The following SLC4A10 variants were observed in gnomAD, a reference collection of about 807,000 sequenced individuals.
SLC4A10 encodes the protein solute carrier family 4 member 10, also known as sodium-driven chloride bicarbonate exchanger.
In SLC4A10, 42 loss-of-function variants were observed where a neutral mutation model predicts 137.7. That is an observed-to-expected ratio of 0.30 (90% CI 0.24 to 0.39). The LOEUF is 0.39. Among genes scored for constraint, SLC4A10 ranks in the 10% least tolerant of loss-of-function variants. The probability of loss-of-function intolerance (pLI) is 1.00; values close to 1 mark genes in which losing one functional copy is unlikely to be tolerated. For missense variants in SLC4A10, 925 were observed against 1,355.0 expected, an observed-to-expected ratio of 0.68 and a Z score of 4.98; for synonymous variants, 474 against 464.1, an observed-to-expected ratio of 1.02 and a Z score of -0.27.
chr2:161,667,052 A>G (rs1401842844), intron 1 of SLC4A10, among the ~76,000 whole-genome samples: 1 of 151,628 alleles, frequency 6.6e-6, no homozygotes, highest in East Asian at 1.9e-4. Flanking sequence ...GATCACTGTT[A>G]TTTATATTGG....
At chr2:161,792,103 A>G (rs538696473) in intron 2 of SLC4A10, among the ~76,000 whole-genome samples, 2 of 152,238 alleles carry the variant, frequency 1.3e-5, no homozygotes, top group African/African-American at 2.4e-5. Context: ...CAAAGGCATA[A>G]TAACTCACTC....
intron 3 of SLC4A10, among the ~76,000 whole-genome samples, chr2:161,836,530 GAGAAAGAAAGAAAGAAAGAAAGAA>G (rs71009343): frequency 0.011 from 832 of 79,210 alleles, 10 homozygotes; most frequent in Middle Eastern, 0.03. Context: ...GAGAGAGAGA[GAGAAAGAAAGAAAGAAAGAAAGAA>G]AGAAAGAAAG....
At chr2:161,914,611 T>A (rs933694363) in intron 15 of SLC4A10, among the ~76,000 whole-genome samples, 2 of 152,144 alleles carry the variant, frequency 1.3e-5, no homozygotes, top group African/African-American at 4.8e-5. Context: ...CTTCCCCAAA[T>A]TTTGCATTTT....
chr2:161,633,042 A>G (rs1287718989), intron 1 of SLC4A10, among the ~76,000 whole-genome samples: 1 of 151,616 alleles, frequency 6.6e-6, no homozygotes. Context: ...TGGCTTGCTT[A>G]TGATTTTTCA....
At chr2:161,692,112 A>AAAAAG (rs1361531372) in intron 1 of SLC4A10, among the ~76,000 whole-genome samples, 4 of 152,042 alleles carry the variant, frequency 2.6e-5, no homozygotes, top group East Asian at 3.9e-4. Context: ...AAAGAAAAGA[A>AAAAAG]AAAAGAAAAG....
chr2:161,848,671 G>T (rs1032438422), intron 4 of SLC4A10, among the ~76,000 whole-genome samples: 1 of 152,074 alleles, frequency 6.6e-6, no homozygotes, highest in Non-Finnish European at 1.5e-5. Flanking sequence ...TATTGGCTTT[G>T]TTGAAGATCA....
chr2:161,959,392 G>C (rs907308739), intron 21 of SLC4A10, among the ~76,000 whole-genome samples: 3 of 152,230 alleles, frequency 2.0e-5, no homozygotes, highest in Admixed American at 2.0e-4. Flanking sequence ...TGTGGTCACT[G>C]TCAGGGTGTG....
At chr2:161,688,237 A>G (rs1407100215) in intron 1 of SLC4A10, among the ~76,000 whole-genome samples, 2 of 152,210 alleles carry the variant, frequency 1.3e-5, no homozygotes, top group Admixed American at 6.5e-5. Context: ...ATAGGATAGA[A>G]AAATCATCTG....
intron 1 of SLC4A10, among the ~76,000 whole-genome samples, chr2:161,677,438 A>G (rs1322320779): frequency 6.6e-6 from 1 of 152,194 alleles, no homozygotes; most frequent in Non-Finnish European, 1.5e-5. Flanking sequence ...TGATGAGGCT[A>G]GTGCTCTGCA....
chr2:161,843,388 T>C (rs1317294113), intron 4 of SLC4A10, among the ~76,000 whole-genome samples: 1 of 152,204 alleles, frequency 6.6e-6, no homozygotes, highest in Non-Finnish European at 1.5e-5. Flanking sequence ...AGATAGTCCA[T>C]TTAATTATAC....
At chr2:161,891,941 A>T (rs2062970620) in intron 10 of SLC4A10, among the ~76,000 whole-genome samples, 2 of 151,956 alleles carry the variant, frequency 1.3e-5, no homozygotes, top group African/African-American at 4.8e-5. Context: ...TTGAACCAAT[A>T]GTCTAGTTTG....
chr2:161,716,111 T>G (rs967726245), intron 1 of SLC4A10, among the ~76,000 whole-genome samples: 2 of 152,092 alleles, frequency 1.3e-5, no homozygotes, highest in Non-Finnish European at 2.9e-5. Flanking sequence ...CTAAATATGT[T>G]TTTTGGCTGC....
intron 7 of SLC4A10, 133 bp from the exon 8 acceptor site, chr2:161,873,783 A>C (rs1167716555): frequency 2.4e-6 from 2 of 821,478 alleles, no homozygotes; most frequent in Admixed American, 4.8e-5. Flanking sequence ...AGCTCCTTGG[A>C]CCTGTTTCAG....
At chr2:161,718,888 G>C (rs558606855) in intron 1 of SLC4A10, among the ~76,000 whole-genome samples, 1 of 151,904 alleles carries the variant, frequency 6.6e-6, no homozygotes, top group Non-Finnish European at 1.5e-5. Flanking sequence ...ACAGCAGGGT[G>C]TTATTATCTC....
At chr2:161,950,468 G>A (rs898470233) in intron 18 of SLC4A10, among the ~76,000 whole-genome samples, 1 of 151,394 alleles carries the variant, frequency 6.6e-6, no homozygotes, top group Non-Finnish European at 1.5e-5. Context: ...TCTTATCTGT[G>A]TCATCTTTAG....
At chr2:161,667,017 T>G (rs929824736) in intron 1 of SLC4A10, among the ~76,000 whole-genome samples, 7 of 151,662 alleles carry the variant, frequency 4.6e-5, no homozygotes, top group Non-Finnish European at 1.0e-4. Flanking sequence ...CTGTTGAGGT[T>G]GGAAAGAGTA....
chr2:161,696,814 T>G (rs2042562663), intron 1 of SLC4A10, among the ~76,000 whole-genome samples: 2 of 152,182 alleles, frequency 1.3e-5, no homozygotes, highest in Non-Finnish European at 2.9e-5. Flanking sequence ...CCTTTTGGTA[T>G]ATACCCAGCA....
chr2:161,707,463 C>T (rs2043802648), intron 1 of SLC4A10, among the ~76,000 whole-genome samples: 1 of 141,636 alleles, frequency 7.1e-6, no homozygotes, highest in East Asian at 2.0e-4. Flanking sequence ...TAATCTTAGT[C>T]TTTTTTTTTT....
chr2:161,899,747 C>G (rs1055740886), intron 11 of SLC4A10, among the ~76,000 whole-genome samples: 1 of 152,032 alleles, frequency 6.6e-6, no homozygotes, highest in Non-Finnish European at 1.5e-5. Flanking sequence ...TTGAGGGAAA[C>G]TCTTAAATCC....
Sources: allele counts gnomAD v4.1 joint callset (sites outside exome capture counted in the v4.1 genomes callset), GRCh38; gene constraint gnomAD v4.1.1; transcripts MANE v1.5; gene names NCBI Gene and HGNC (gene_info 2026-07-23, HGNC 2026-07-21).